Variants in SGCZ observed in about 807,000 individuals in gnomAD.
The protein encoded by SGCZ is zeta-sarcoglycan.
SGCZ carries 40 observed loss-of-function variants against 41.3 expected under a neutral mutation model. The ratio of observed to expected loss-of-function variants is 0.97; its 90% CI spans 0.75 to 1.26. The LOEUF (loss-of-function observed/expected upper bound fraction) is 1.26. Among genes scored for constraint, SGCZ ranks in the 50% most tolerant of loss-of-function variants. The pLI is 0.00. For missense variants in SGCZ, 552 were observed against 369.8 expected, an observed-to-expected ratio of 1.49 and a Z score of -4.04; for synonymous variants, 206 against 137.5, an observed-to-expected ratio of 1.50 and a Z score of -3.49.
intron 1 of SGCZ, among the ~76,000 whole-genome samples, chr8:15,157,040 T>A (rs934840228): frequency 1.3e-5 from 2 of 151,992 alleles, no homozygotes; most frequent in Non-Finnish European, 1.5e-5. Context: ...TGGGAATCTT[T>A]CATGAAAAAA....
intron 2 of SGCZ, among the ~76,000 whole-genome samples, chr8:14,550,148 T>C (rs931724127): frequency 6.6e-6 from 1 of 151,914 alleles, no homozygotes; most frequent in African/African-American, 2.4e-5. Context: ...CAGAAATATA[T>C]TGGAAACAAC....
intron 1 of SGCZ, among the ~76,000 whole-genome samples, chr8:14,726,239 G>A (rs1171418269): frequency 2.1e-5 from 3 of 143,382 alleles, no homozygotes; most frequent in African/African-American, 7.6e-5. Context: ...TTCCAGCCTG[G>A]GCAAAAGAGT....
chr8:14,109,828 T>C (rs1027880157), intron 5 of SGCZ, among the ~76,000 whole-genome samples: 1 of 152,140 alleles, frequency 6.6e-6, no homozygotes, highest in Admixed American at 6.5e-5. Flanking sequence ...TATATTATGC[T>C]GCTGAGGGCA....
chr8:14,937,808 G>C (rs979739136), intron 1 of SGCZ, among the ~76,000 whole-genome samples: 2 of 151,988 alleles, frequency 1.3e-5, no homozygotes, highest in Non-Finnish European at 2.9e-5. Flanking sequence ...AATGAATGCA[G>C]ATTGTAATGA....
At chr8:14,371,339 T>C (rs1375145158) in intron 2 of SGCZ, among the ~76,000 whole-genome samples, 1 of 152,056 alleles carries the variant, frequency 6.6e-6, no homozygotes, top group African/African-American at 2.4e-5. Context: ...CCAGTTCAGT[T>C]AAATGACAAC....
chr8:14,308,188 A>G (rs2116990061), intron 3 of SGCZ, among the ~76,000 whole-genome samples: 1 of 152,098 alleles, frequency 6.6e-6, no homozygotes, highest in East Asian at 1.9e-4. Context: ...ACATTACAAG[A>G]GGAGATTATA....
At chr8:14,361,984 C>G (rs1250252077) in intron 2 of SGCZ, among the ~76,000 whole-genome samples, 2 of 152,158 alleles carry the variant, frequency 1.3e-5, no homozygotes, top group Non-Finnish European at 2.9e-5. Flanking sequence ...CAACTCCAGA[C>G]CCTGCTTGCC....
chr8:15,182,356 AT>A (rs1277472621), intron 1 of SGCZ, among the ~76,000 whole-genome samples: 1 of 152,064 alleles, frequency 6.6e-6, no homozygotes, highest in Admixed American at 6.5e-5. Context: ...ATCATTACCG[AT>A]TTTTTCATTG....
intron 2 of SGCZ, among the ~76,000 whole-genome samples, chr8:14,454,999 G>A (rs1481909927): frequency 3.3e-5 from 5 of 152,092 alleles, no homozygotes; most frequent in African/African-American, 1.2e-4. Flanking sequence ...CTCAAACACA[G>A]AAGCAATCAA....
At chr8:14,107,018 T>C (rs748574934) in intron 6 of SGCZ, among the ~76,000 whole-genome samples, 6 of 151,994 alleles carry the variant, frequency 3.9e-5, no homozygotes, top group East Asian at 1.9e-4. Flanking sequence ...AGATAGAGAC[T>C]ATCCGGAGCA....
At chr8:14,554,673 C>G (rs1022202842) in intron 2 of SGCZ, 59 bp downstream of exon 2, 20 of 1,363,180 alleles carry the variant, frequency 1.5e-5, no homozygotes, top group Non-Finnish European at 1.9e-5. Context: ...ATTAAAGTAA[C>G]AGAGCTAGAT....
At chr8:14,868,454 T>A (rs537228172) in intron 1 of SGCZ, among the ~76,000 whole-genome samples, 3 of 152,130 alleles carry the variant, frequency 2.0e-5, no homozygotes, top group Non-Finnish European at 4.4e-5. Flanking sequence ...TATGAAACCA[T>A]GAACTTCTGT....
At chr8:14,959,352 T>C (rs1159365090) in intron 1 of SGCZ, among the ~76,000 whole-genome samples, 1 of 152,132 alleles carries the variant, frequency 6.6e-6, no homozygotes, top group Non-Finnish European at 1.5e-5. Flanking sequence ...TTTGGTATAT[T>C]AGTTCTGGTG....
chr8:14,332,600 C>T (rs1425473203), intron 2 of SGCZ: 1 of 152,008 alleles, frequency 6.6e-6, no homozygotes, highest in African/African-American at 2.4e-5. Flanking sequence ...TGTTCACAGT[C>T]AGCTACAGAT....
rs535805305 is a variant in SGCZ at position 14,097,076 on chromosome 8, G to GT, written c.744+5299dup. Among the ~76,000 whole-genome samples the GT allele has an allele frequency of 2.0e-4, 31 of 151,956 alleles. No homozygotes were observed. In the East Asian group the frequency reaches 2.1e-3, roughly 10 times the overall value. On this transcript the variant is annotated intron_variant, in intron 7 of 7. Transcript: ENST00000382080. ...CCTGGATTCATTGATTTTTTGAAGA[G>GT]TTTTTTTGTGTATCTCCTTCAGTTC...
chr8:14,568,856 T>C (rs1456444069), intron 1 of SGCZ, among the ~76,000 whole-genome samples: 4 of 152,188 alleles, frequency 2.6e-5, no homozygotes, highest in Admixed American at 6.5e-5. Flanking sequence ...GTTGACTGTA[T>C]GGATGGATGA....
chr8:14,516,600 A>C (rs1306358066), intron 2 of SGCZ, among the ~76,000 whole-genome samples: 1 of 152,054 alleles, frequency 6.6e-6, no homozygotes, highest in African/African-American at 2.4e-5. Flanking sequence ...ATTTTAAGGA[A>C]GCTGTGAATC....
intron 1 of SGCZ, among the ~76,000 whole-genome samples, chr8:15,038,144 CA>C (rs531829231): frequency 6.6e-6 from 1 of 151,924 alleles, no homozygotes; most frequent in South Asian, 2.1e-4. Flanking sequence ...CATGGAATAA[CA>C]AAAACATTCT....
intron 4 of SGCZ, among the ~76,000 whole-genome samples, chr8:14,170,017 T>G (rs1028038146): frequency 3.3e-5 from 5 of 152,118 alleles, no homozygotes; most frequent in Non-Finnish European, 4.4e-5. Flanking sequence ...CCAGGAATAC[T>G]TGAATACTTT....
Sources: gnomAD v4.1 joint callset for allele counts (sites outside exome capture counted in the v4.1 genomes callset) on GRCh38, gnomAD v4.1.1 for gene constraint, MANE v1.5 for transcripts, NCBI Gene and HGNC (gene_info 2026-07-23, HGNC 2026-07-21) for gene names.